Variants in PITPNC1 observed in about 807,000 individuals in gnomAD.
PITPNC1 encodes phosphatidylinositol transfer protein cytoplasmic 1, also known as cytoplasmic phosphatidylinositol transfer protein 1.
Under a neutral mutation model 44.7 loss-of-function variants are expected in PITPNC1, and 18 were observed. That is an observed-to-expected ratio of 0.40 (90% CI 0.28 to 0.60). The LOEUF (loss-of-function observed/expected upper bound fraction) is 0.60, where lower values mean the gene tolerates loss of function less well. Among genes scored for constraint, PITPNC1 ranks in the 20% least tolerant of loss-of-function variants. PITPNC1 has a pLI of 0.39. For synonymous variants in PITPNC1, 141 were observed against 149.6 expected (o/e 0.94, Z 0.42); for missense variants, 290 against 418.4 (o/e 0.69, Z 2.68).
Position 67,417,896 on chromosome 17 carries a change from T to C in PITPNC1, c.48+39694T>C, listed in dbSNP as rs529232462. On this transcript the variant is annotated intron_variant, in intron 1 of 8. Transcript: ENST00000581322. ...TGTCTCTACAAAAAATAAAAAAAAT[T>C]AGCTGGGAGTGGTGGCACACATCTG... Among the ~76,000 whole-genome samples, 4 of 151,646 alleles carry C rather than the reference T, an allele frequency of 2.6e-5. No homozygotes were observed. In the East Asian group the frequency reaches 5.8e-4, roughly 22 times the overall value.
chr17:67,608,247 CAAAAAAAAACAAAA>C (rs1477186570), intron 5 of PITPNC1, among the ~76,000 whole-genome samples: 1 of 113,764 alleles, frequency 8.8e-6, no homozygotes, highest in African/African-American at 3.4e-5. Flanking sequence ...AAAAAAAAAA[CAAAAAAAAACAAAA>C]AAAAAAAACC....
At chr17:67,598,902 A>G (rs1290754664) in intron 5 of PITPNC1, among the ~76,000 whole-genome samples, 1 of 150,280 alleles carries the variant, frequency 6.7e-6, no homozygotes, top group Non-Finnish European at 1.5e-5. Context: ...TCAAAAAAAC[A>G]GAAAGAAGGT....
At chr17:67,425,186 T>TGCGCGCGCGCGCGCGCGCGCGC (rs1386197600) in intron 1 of PITPNC1, among the ~76,000 whole-genome samples, 3 of 55,724 alleles carry the variant, frequency 5.4e-5, no homozygotes, top group East Asian at 5.2e-4. Context: ...AGCCATGTTG[T>TGCGCGCGCGCGCGCGCGCGCGC]GCGCGCGCAC....
intron 1 of PITPNC1, among the ~76,000 whole-genome samples, chr17:67,493,087 TA>T (rs1255920087): frequency 1.3e-5 from 2 of 152,242 alleles, no homozygotes; most frequent in Non-Finnish European, 2.9e-5. Context: ...ATTAATTTTT[TA>T]AACACCCCAT....
chr17:67,474,337 G>C (rs1389338616), intron 1 of PITPNC1, among the ~76,000 whole-genome samples: 1 of 152,212 alleles, frequency 6.6e-6, no homozygotes, highest in Non-Finnish European at 1.5e-5. Context: ...TGACGACAAT[G>C]GGAAGTTGAC....
At chr17:67,478,999 C>T (rs1358872039) in intron 1 of PITPNC1, among the ~76,000 whole-genome samples, 1 of 152,002 alleles carries the variant, frequency 6.6e-6, no homozygotes, top group African/African-American at 2.4e-5. Flanking sequence ...GAGGGCAGGC[C>T]AGGTTACCTC....
chr17:67,590,130 A>G (rs1375022264), intron 5 of PITPNC1, among the ~76,000 whole-genome samples: 1 of 152,188 alleles, frequency 6.6e-6, no homozygotes, highest in African/African-American at 2.4e-5. Context: ...GAATCATTCA[A>G]CTTTTGAAAT....
intron 5 of PITPNC1, among the ~76,000 whole-genome samples, chr17:67,585,851 G>C (rs2041308359): frequency 6.6e-6 from 1 of 152,162 alleles, no homozygotes; most frequent in African/African-American, 2.4e-5. Flanking sequence ...GAAGACGTAG[G>C]GAGAAGGCAG....
At chr17:67,627,313 A>T (rs1332334199) in intron 5 of PITPNC1, among the ~76,000 whole-genome samples, 1 of 152,202 alleles carries the variant, frequency 6.6e-6, no homozygotes. Flanking sequence ...GGGTTCCTCA[A>T]TGTGATTTTT....
chr17:67,607,849 T>C (rs1295806938), intron 5 of PITPNC1, among the ~76,000 whole-genome samples: 2 of 151,728 alleles, frequency 1.3e-5, no homozygotes, highest in Non-Finnish European at 2.9e-5. Flanking sequence ...CTGCCTCAGC[T>C]TCCCGAGTAC....
chr17:67,523,493 GTT>G lies in PITPNC1; in HGVS notation c.49-9297_49-9296del, dbSNP rs59101369. Among the ~76,000 whole-genome samples, 464 of 148,838 alleles carry G rather than the reference GTT, an allele frequency of 3.1e-3. 14 individuals carry two copies. Among genetic ancestry groups the G allele is most frequent in the South Asian group, 0.031 (145 of 4,726 alleles). On this transcript the variant is annotated intron_variant, in intron 1 of 8. Transcript: ENST00000581322. ...ATTTATGAAGCATTTTAATTTTTAA[GTT>G]TTTTTTTTTTTCTCACTTGATTCTC... is the stretch of plus-strand genomic sequence containing the variant.
chr17:67,426,558 T>C (rs191473167), intron 1 of PITPNC1, among the ~76,000 whole-genome samples: 10 of 144,044 alleles, frequency 6.9e-5, no homozygotes, highest in Non-Finnish European at 1.2e-4. Context: ...AGTTGAACAA[T>C]GAGAACACAT....
rs10653914 is a variant in PITPNC1, at chr17:67,513,477, A to ATGTG, written c.49-19315_49-19312dup. ...TATACATATACTATATTTTTACTAT[A>ATGTG]TGTGTGTGTGTGTATATATATATAT... On this transcript the variant is annotated intron_variant, in intron 1 of 8. Coordinates refer to ENST00000581322, the MANE Select transcript of PITPNC1 (RefSeq NM_012417.4). Among the ~76,000 whole-genome samples, 650 of 131,696 alleles carry ATGTG rather than the reference A, an allele frequency of 4.9e-3. 1 individual carries two copies. The highest frequency in any genetic ancestry group is 6.0e-3 in the African/African-American group (189 of 31,542). 86.4% of individuals were successfully genotyped at this position (131,696 alleles called of 152,430 possible).
intron 1 of PITPNC1, among the ~76,000 whole-genome samples, chr17:67,441,286 C>T (rs149116659): frequency 4.0e-5 from 6 of 150,600 alleles, no homozygotes; most frequent in South Asian, 2.1e-4. Flanking sequence ...AGCCCCCCCC[C>T]GCCACCCATC....
rs562714852 is a variant in PITPNC1, at chr17:67,597,189, T to TG, written c.366+18934dup. Among the ~76,000 whole-genome samples, 10 of 152,068 alleles carry TG rather than the reference T, an allele frequency of 6.6e-5. No individual in the cohort carries two copies. Among genetic ancestry groups the TG allele is most frequent in the Non-Finnish European group, 1.3e-4 (9 of 68,008 alleles). On this transcript the variant is annotated intron_variant, in intron 5 of 8. Transcript: ENST00000581322. This position sits in a 1 kb window ranked among gnomAD's most constrained non-coding sequence, Gnocchi z 4.0. The stretch of plus-strand genomic sequence containing the variant: ...GATTATAGGCATGAGCCACCATGCC[T>TG]GGCCCCAAATAATTTATATAAGCCA...
At chr17:67,690,016 C>A (rs901636302) in intron 8 of PITPNC1, among the ~76,000 whole-genome samples, 1 of 152,120 alleles carries the variant, frequency 6.6e-6, no homozygotes, top group African/African-American at 2.4e-5. Context: ...AATTTTATAT[C>A]TTATCCACAT....
chr17:67,517,164 T>C (rs2040270054), intron 1 of PITPNC1, among the ~76,000 whole-genome samples: 1 of 152,262 alleles, frequency 6.6e-6, no homozygotes, highest in African/African-American at 2.4e-5. Context: ...GTTCAATGGA[T>C]GATGTGGCCA....
chr17:67,461,804 A>ACCCT (rs2039342070), intron 1 of PITPNC1, among the ~76,000 whole-genome samples: 1 of 152,046 alleles, frequency 6.6e-6, no homozygotes, highest in Admixed American at 6.5e-5. Context: ...ACTGAGGGAG[A>ACCCT]CCCTGTCTCT....
At chr17:67,581,184 TC>T (rs1408761401) in intron 5 of PITPNC1, among the ~76,000 whole-genome samples, 2 of 152,236 alleles carry the variant, frequency 1.3e-5, no homozygotes, top group East Asian at 3.8e-4. Context: ...TTATTATACA[TC>T]CTTTTTTGGC....
Sources: allele counts gnomAD v4.1 joint callset (sites outside exome capture counted in the v4.1 genomes callset), GRCh38; gene constraint gnomAD v4.1.1; non-coding constraint Gnocchi (gnomAD v3.1); transcripts MANE v1.5; gene names NCBI Gene and HGNC (gene_info 2026-07-23, HGNC 2026-07-21).